The following EYS variants were observed in gnomAD, a reference collection of about 807,000 sequenced individuals.
EYS encodes protein eyes shut homolog.
EYS carries 250 observed loss-of-function variants against 282.1 expected under a neutral mutation model. The ratio of observed to expected loss-of-function variants is 0.89; its 90% confidence interval spans 0.80 to 0.98. EYS has a LOEUF of 0.98. Ranked by LOEUF, EYS falls within the 50% of genes least tolerant of loss-of-function variation. The pLI, the probability that EYS is intolerant of heterozygous loss-of-function variation, is 0.00. For missense variants in EYS, 4,016 were observed against 3,709.0 expected, an observed-to-expected ratio of 1.08 and a Z score of -2.15; for synonymous variants, 1,355 against 1,282.9, an observed-to-expected ratio of 1.06 and a Z score of -1.20.
At chr6:65,030,147 T>G (rs1772551275) in intron 13 of EYS, among the ~76,000 whole-genome samples, 1 of 152,166 alleles carries the variant, frequency 6.6e-6, no homozygotes, top group Admixed American at 6.5e-5. Context: ...TAGCCTTTGA[T>G]GACTGTCAGA....
At chr6:65,670,200 T>A (rs566782215) in intron 1 of EYS, among the ~76,000 whole-genome samples, 1 of 151,060 alleles carries the variant, frequency 6.6e-6, no homozygotes, top group African/African-American at 2.4e-5. Context: ...GAATGCTATT[T>A]ACTGTTCAAC....
In EYS at chr6:64,456,669, G is replaced by GT. The variant is rs551660792; in HGVS notation, c.5645-17318dup. On this transcript the variant is annotated intron_variant, in intron 26 of 42. Transcript: ENST00000503581. ...AACAAAAATTTCATTTATAAAGTGG[G>GT]TTTTTTTGCAGGCATATGCTCTAAA... is the stretch of plus-strand genomic sequence containing the variant. 2.9e-3 allele frequency among the ~76,000 whole-genome samples: 441 copies of GT among 151,932 alleles called. 2 individuals are homozygous for GT. Among genetic ancestry groups the GT allele is most frequent in the African/African-American group, 9.4e-3 (388 of 41,496 alleles).
intron 22 of EYS, among the ~76,000 whole-genome samples, chr6:64,645,872 G>T (rs986062025): frequency 5.9e-5 from 9 of 152,000 alleles, no homozygotes; most frequent in African/African-American, 2.2e-4. Flanking sequence ...AGATGACTAA[G>T]GTTAATCTGT....
At chr6:64,557,598 A>C (rs926491442) in intron 26 of EYS, among the ~76,000 whole-genome samples, 2 of 152,048 alleles carry the variant, frequency 1.3e-5, no homozygotes, top group Non-Finnish European at 1.5e-5. Flanking sequence ...AACAGAGCAA[A>C]TTATAATCAC....
chr6:65,006,597 C>T (rs1478603171), intron 13 of EYS, among the ~76,000 whole-genome samples: 1 of 151,266 alleles, frequency 6.6e-6, no homozygotes, highest in East Asian at 1.9e-4. Context: ...AATGTAACTC[C>T]AACCACTGAT....
chr6:64,045,997 T>A (rs1770609080), intron 33 of EYS, among the ~76,000 whole-genome samples: 1 of 146,534 alleles, frequency 6.8e-6, no homozygotes, highest in African/African-American at 2.5e-5. Context: ...TTATATACTT[T>A]GTATATGTAA....
At chr6:63,884,120 T>A (rs1773201800) in intron 35 of EYS, among the ~76,000 whole-genome samples, 1 of 152,208 alleles carries the variant, frequency 6.6e-6, no homozygotes, top group Non-Finnish European at 1.5e-5. Flanking sequence ...ATGGCTGTCA[T>A]ATAATGGTCA....
intron 2 of EYS, among the ~76,000 whole-genome samples, chr6:65,562,884 A>C (rs1417154787): frequency 6.6e-6 from 1 of 152,084 alleles, no homozygotes; most frequent in Non-Finnish European, 1.5e-5. Context: ...AAGACTTCCA[A>C]AGCAATTATA....
intron 16 of EYS, among the ~76,000 whole-genome samples, chr6:64,904,512 C>A (rs535525337): frequency 6.6e-6 from 1 of 152,226 alleles, no homozygotes; most frequent in Admixed American, 6.5e-5. Flanking sequence ...AACTTAGATT[C>A]TATTTTCAAA....
intron 5 of EYS, among the ~76,000 whole-genome samples, chr6:65,467,229 C>T (rs952588403): frequency 1.3e-5 from 2 of 152,018 alleles, no homozygotes; most frequent in African/African-American, 2.4e-5. Flanking sequence ...ATACAGAGGC[C>T]TTTTTGCCTC....
At chr6:64,310,579 C>G (rs1263551897) in intron 29 of EYS, among the ~76,000 whole-genome samples, 1 of 151,996 alleles carries the variant, frequency 6.6e-6, no homozygotes, top group Non-Finnish European at 1.5e-5. Context: ...GGTCTATTGC[C>G]TATTGGAGGG....
chr6:64,366,807 A>G (rs2150411379), intron 29 of EYS, among the ~76,000 whole-genome samples: 1 of 152,212 alleles, frequency 6.6e-6, no homozygotes, highest in East Asian at 1.9e-4. Context: ...CTGAGTAGGA[A>G]GATTTCTAGG....
chr6:63,963,386 A>C (rs1182578241), intron 35 of EYS, among the ~76,000 whole-genome samples: 2 of 152,208 alleles, frequency 1.3e-5, no homozygotes, highest in Non-Finnish European at 2.9e-5. Context: ...AAAGTGCATA[A>C]ATACTGTATA....
intron 12 of EYS, among the ~76,000 whole-genome samples, chr6:65,166,640 C>A (rs1343866431): frequency 6.6e-6 from 1 of 151,110 alleles, no homozygotes; most frequent in South Asian, 2.1e-4. Context: ...TATGAATACA[C>A]CTTCATGACC....
At chr6:63,777,004 G>T (rs1770081524) in intron 40 of EYS, among the ~76,000 whole-genome samples, 1 of 152,178 alleles carries the variant, frequency 6.6e-6, no homozygotes, top group African/African-American at 2.4e-5. Flanking sequence ...TTGTAGAGAA[G>T]TAATGATAAA....
chr6:65,465,461 A>G (rs2150412525), intron 5 of EYS, among the ~76,000 whole-genome samples: 1 of 152,152 alleles, frequency 6.6e-6, no homozygotes, highest in South Asian at 2.1e-4. Context: ...TGGGTGACAG[A>G]GTGAGGCTCT....
chr6:64,207,635 A>G (rs992375196), intron 31 of EYS, among the ~76,000 whole-genome samples: 2 of 151,876 alleles, frequency 1.3e-5, no homozygotes, highest in Non-Finnish European at 2.9e-5. Flanking sequence ...GGGAGAATTC[A>G]TCAAGGTTTT....
At chr6:65,102,860 G>T (rs1195406812) in intron 12 of EYS, among the ~76,000 whole-genome samples, 1 of 151,154 alleles carries the variant, frequency 6.6e-6, no homozygotes. Context: ...TGTTTTATTA[G>T]GATATAATTA....
At chr6:64,132,944 TTTTATG>T in intron 31 of EYS, among the ~76,000 whole-genome samples, 1 of 151,968 alleles carries the variant, frequency 6.6e-6, no homozygotes, top group East Asian at 1.9e-4. Flanking sequence ...ACCATTCTGT[TTTTATG>T]TTTATATGTA....
Sources: allele counts gnomAD v4.1 joint callset (sites outside exome capture counted in the v4.1 genomes callset), GRCh38; gene constraint gnomAD v4.1.1; transcripts MANE v1.5; gene names NCBI Gene and HGNC (gene_info 2026-07-23, HGNC 2026-07-21).